Variants in EIF2AK4 observed in about 807,000 individuals in gnomAD.
EIF2AK4 encodes the protein eukaryotic translation initiation factor 2 alpha kinase 4.
A neutral mutation model predicts 211.1 loss-of-function variants in EIF2AK4; 139 were observed. The observed-to-expected ratio is 0.66, with a 90% confidence interval of 0.57 to 0.76. EIF2AK4 has a LOEUF of 0.76. Ranked by LOEUF, EIF2AK4 falls within the 30% of genes least tolerant of loss-of-function variation. The pLI is 0.00. For missense variants in EIF2AK4, 1,664 were observed against 2,043.8 expected (o/e 0.81, Z 3.58); for synonymous variants, 710 against 751.3 (o/e 0.94, Z 0.90).
At chr15:39,994,763 G>A (rs952172090) in intron 18 of EIF2AK4, among the ~76,000 whole-genome samples, 5 of 152,122 alleles carry the variant, frequency 3.3e-5, no homozygotes, top group African/African-American at 1.2e-4. Context: ...CTAAGTACCT[G>A]GTGAGGGTGA....
chr15:39,977,895 A>G (rs971545278), intron 12 of EIF2AK4, 183 bp from the exon 13 acceptor site: 1 of 382,030 alleles, frequency 2.6e-6, no homozygotes, highest in Non-Finnish European at 4.7e-6. Context: ...TTATTAAATC[A>G]AGGGTTCTGT....
At chr15:40,018,381 T>C (rs1473846213) in intron 29 of EIF2AK4, among the ~76,000 whole-genome samples, 1 of 152,220 alleles carries the variant, frequency 6.6e-6, no homozygotes, top group Non-Finnish European at 1.5e-5. Context: ...TTTGCTTAGC[T>C]TCTTAAATCT....
intron 6 of EIF2AK4, among the ~76,000 whole-genome samples, 165 bp from the exon 7 acceptor site, chr15:39,961,619 C>G (rs903926304): frequency 6.6e-6 from 1 of 152,120 alleles, no homozygotes; most frequent in Non-Finnish European, 1.5e-5. Context: ...ACTCAATTCC[C>G]AGTAGAAACA....
chr15:40,018,775 A>G (rs2035343425), intron 29 of EIF2AK4, among the ~76,000 whole-genome samples: 1 of 152,208 alleles, frequency 6.6e-6, no homozygotes, highest in Non-Finnish European at 1.5e-5. Flanking sequence ...ATTTTTTTCA[A>G]AGTCTTTGCA....
rs1034135597 is a variant in EIF2AK4, at chr15:39,943,258, G to A, written c.258-125G>A. On this transcript the variant is annotated intron_variant, in intron 2 of 38. Coordinates refer to ENST00000263791, the MANE Select transcript of EIF2AK4 (RefSeq NM_001013703.4). ...TGTCAACTGGAGTTGCAGGGATATGGTTGAAGTCCCTTTGAGATTAAGGGC... is the reference window on the plus strand; with the variant it reads ...TGTCAACTGGAGTTGCAGGGATATGATTGAAGTCCCTTTGAGATTAAGGGC... 6.0e-6 allele frequency: 4 copies of A among 671,908 alleles called. No homozygotes were observed. In the African/African-American group the frequency reaches 7.6e-5, roughly 13 times the overall value. The allele number at this position is 671,908 out of a possible 1,614,324, so 41.6% of individuals were successfully genotyped here. A position where few individuals can be genotyped will look rare whatever the true frequency, so the allele number is the denominator to read the frequency against.
At chr15:39,953,277 C>T (rs1436300406) in intron 4 of EIF2AK4, among the ~76,000 whole-genome samples, 1 of 152,180 alleles carries the variant, frequency 6.6e-6, no homozygotes, top group Non-Finnish European at 1.5e-5. Flanking sequence ...TGTGTTTTTA[C>T]ACATTGTATT....
chr15:39,957,611 G>A (rs1432114109), intron 6 of EIF2AK4, among the ~76,000 whole-genome samples: 2 of 151,744 alleles, frequency 1.3e-5, no homozygotes, highest in African/African-American at 4.8e-5. Flanking sequence ...AGCTGAAATT[G>A]TTATTCACTT....
chr15:40,006,959 G>A lies in EIF2AK4; in HGVS notation c.3358-57G>A, dbSNP rs747067849. 8.3e-6 allele frequency: 11 copies of A among 1,325,552 alleles called. 1 individual carries two copies. The highest frequency in any genetic ancestry group is 7.3e-5 in the South Asian group (6 of 81,888). The allele number at this position is 1,325,552 out of a possible 1,614,324, so 82.1% of individuals were successfully genotyped here. On this transcript the variant is annotated intron_variant, in intron 23 of 38. Coordinates refer to ENST00000263791, the MANE Select transcript of EIF2AK4 (RefSeq NM_001013703.4). ...ACAGGAGTTATGTTTCAATAAAGCCGCTATTAACAAAAGGCACATTTTGAC... is the reference window on the plus strand; with the variant it reads ...ACAGGAGTTATGTTTCAATAAAGCCACTATTAACAAAAGGCACATTTTGAC...
chr15:39,967,334 A>G lies in EIF2AK4; in HGVS notation c.1018-10A>G, dbSNP rs761604612. 22 of 1,261,368 alleles carry G rather than the reference A, an allele frequency of 1.7e-5. No individual in the cohort carries two copies. The highest frequency in any genetic ancestry group is 2.6e-5 in the East Asian group (1 of 38,368). The allele number at this position is 1,261,368 out of a possible 1,614,324, so 78.1% of individuals were successfully genotyped here. On this transcript the variant is annotated splice_polypyrimidine_tract_variant and intron_variant, in intron 8 of 38. Coordinates refer to ENST00000263791, the MANE Select transcript of EIF2AK4 (RefSeq NM_001013703.4). ...CCCAATATTCTTTTTTTTTTTTTTT[A>G]ACTTATCAGATTCAAGGAACAGAAA...
chr15:39,981,951 A>C, intron 13 of EIF2AK4, among the ~76,000 whole-genome samples: 1 of 134,668 alleles, frequency 7.4e-6, no homozygotes, highest in East Asian at 2.1e-4. Context: ...TTTGAGACAG[A>C]GTCTCACTCA....
chr15:39,987,733 A>G (rs528606825), intron 14 of EIF2AK4, among the ~76,000 whole-genome samples: 7 of 152,358 alleles, frequency 4.6e-5, no homozygotes, highest in Admixed American at 4.6e-4. Flanking sequence ...TAAACAAGTC[A>G]TATTTTTAAA....
intron 27 of EIF2AK4, among the ~76,000 whole-genome samples, chr15:40,012,155 C>T (rs149924433): frequency 2.0e-5 from 3 of 152,234 alleles, no homozygotes; most frequent in East Asian, 3.9e-4. Flanking sequence ...CTCAATCTTT[C>T]GGACACCTAC....
chr15:39,961,690 C>A, intron 6 of EIF2AK4, 94 bp from the exon 7 acceptor site: 1 of 949,348 alleles, frequency 1.1e-6, no homozygotes. Flanking sequence ...GAGGGGCATT[C>A]TTGCCTATGT....
chr15:40,012,445 T>C (rs1567004759), intron 27 of EIF2AK4, among the ~76,000 whole-genome samples: 2 of 152,206 alleles, frequency 1.3e-5, no homozygotes, highest in Admixed American at 1.3e-4. Context: ...ATAGTAATGA[T>C]ATGCAAAGTA....
intron 3 of EIF2AK4, 25 bp from the exon 4 acceptor site, chr15:39,949,091 G>A: frequency 1.2e-6 from 2 of 1,603,968 alleles, no homozygotes; most frequent in Non-Finnish European, 1.7e-6. Context: ...GATCATTTGT[G>A]GTTGATTTTT....
At position 39,934,203 on chromosome 15, in the gene EIF2AK4, G is replaced by C; in HGVS notation, c.8G>C (p.Gly3Ala). 3 of 1,565,830 alleles carry C rather than the reference G, an allele frequency of 1.9e-6. No homozygotes were observed. Among genetic ancestry groups the C allele is most frequent in the Non-Finnish European group, 2.6e-6 (3 of 1,157,066 alleles). Residue 3 changes from glycine to alanine, a missense_variant, in exon 1 of 39, where the codon GGG becomes GCG. By Grantham distance (60) the Gly-to-Ala change is moderately conservative (BLOSUM62 0). Around this residue, in one of 7 missense-constraint regions of EIF2AK4, gnomAD observed 641 missense variants for 729.6 expected, o/e 0.88. Transcript: ENST00000263791. MAGGRGAPGRGRD... is the reference protein window; with the variant it reads MAAGRGAPGRGRD... ...CTTGGGCGCAGCGCTGCCATGGCTGGGGGCCGTGGGGCCCCCGGGCGCGGC... is the reference window on the plus strand; with the variant it reads ...CTTGGGCGCAGCGCTGCCATGGCTGCGGGCCGTGGGGCCCCCGGGCGCGGC...
intron 13 of EIF2AK4, 65 bp downstream of exon 13, chr15:39,978,212 C>A (rs2034728532): frequency 2.1e-6 from 2 of 930,810 alleles, no homozygotes; most frequent in Admixed American, 2.3e-5. Flanking sequence ...ATGTCATAAA[C>A]CTTAGGTAAA....
chr15:40,019,876 C>G (rs1352329787), intron 30 of EIF2AK4, among the ~76,000 whole-genome samples: 1 of 152,094 alleles, frequency 6.6e-6, no homozygotes, highest in African/African-American at 2.4e-5. Context: ...ACTTCTTGTT[C>G]AGGCCAGGCA....
intron 20 of EIF2AK4, 86 bp downstream of exon 20, chr15:39,998,870 C>A: frequency 8.9e-7 from 1 of 1,118,798 alleles, no homozygotes; most frequent in Non-Finnish European, 1.3e-6. Flanking sequence ...TAATCTTCTG[C>A]CACTCATTCT....
Sources: allele counts gnomAD v4.1 joint callset (sites outside exome capture counted in the v4.1 genomes callset), GRCh38; gene constraint gnomAD v4.1.1; regional missense constraint gnomAD v4.1.1; transcripts MANE v1.5; gene names NCBI Gene and HGNC (gene_info 2026-07-23, HGNC 2026-07-21).